The following YME1L1 variants were observed in gnomAD, a reference collection of about 807,000 sequenced individuals.
The protein encoded by YME1L1 is YME1 like 1 ATPase.
A neutral mutation model predicts 90.4 loss-of-function variants in YME1L1; 39 were observed. That is an observed-to-expected ratio of 0.43 (90% CI 0.33 to 0.56). YME1L1 has a LOEUF of 0.56. Ranked by LOEUF, YME1L1 falls within the 20% of genes least tolerant of loss-of-function variation. YME1L1 has a pLI of 0.03. For missense variants in YME1L1, 617 were observed against 868.4 expected (o/e 0.71, Z 3.64); for synonymous variants, 284 against 287.3 (o/e 0.99, Z 0.12).
intron 11 of YME1L1, 103 bp from the exon 12 acceptor site, chr10:27,121,551 G>GCC: frequency 1.2e-6 from 1 of 816,008 alleles, no homozygotes; most frequent in Non-Finnish European, 2.1e-6. Flanking sequence ...TTGAGACTAG[G>GCC]ACTCGCTTTG....
chr10:27,122,234 C>T (rs1004692783), intron 11 of YME1L1, among the ~76,000 whole-genome samples: 4 of 152,184 alleles, frequency 2.6e-5, no homozygotes, highest in Non-Finnish European at 5.9e-5. Context: ...TCTCTGACTA[C>T]ATACCTTCAC....
intron 11 of YME1L1, among the ~76,000 whole-genome samples, chr10:27,122,236 T>A (rs1240183560): frequency 6.6e-6 from 1 of 152,220 alleles, no homozygotes; most frequent in African/African-American, 2.4e-5. Flanking sequence ...TCTGACTACA[T>A]ACCTTCACAA....
chr10:27,135,302 C>A (rs1354133685), intron 5 of YME1L1, among the ~76,000 whole-genome samples: 1 of 152,122 alleles, frequency 6.6e-6, no homozygotes, highest in Admixed American at 6.6e-5. Context: ...AGGAAAAAAT[C>A]TCATTAATTT....
chr10:27,116,811 T>C (rs1029352888), intron 15 of YME1L1, among the ~76,000 whole-genome samples: 6 of 152,078 alleles, frequency 3.9e-5, no homozygotes, highest in Admixed American at 3.3e-4. Flanking sequence ...GAGGATCACT[T>C]GAGCCCAGGA....
At chr10:27,127,540 G>A (rs1235671240) in intron 8 of YME1L1, among the ~76,000 whole-genome samples, 3 of 152,124 alleles carry the variant, frequency 2.0e-5, no homozygotes, top group Non-Finnish European at 4.4e-5. Flanking sequence ...GGGATACTAT[G>A]CAATAAAGGA....
At chr10:27,151,597 C>T (rs547389194) in intron 1 of YME1L1, among the ~76,000 whole-genome samples, 3 of 152,154 alleles carry the variant, frequency 2.0e-5, no homozygotes, top group African/African-American at 7.2e-5. Context: ...AGTATGCATA[C>T]CCGTGGGGGC....
chr10:27,131,662 A>T (rs1400419524), intron 8 of YME1L1, among the ~76,000 whole-genome samples, 197 bp downstream of exon 8: 1 of 152,248 alleles, frequency 6.6e-6, no homozygotes, highest in African/African-American at 2.4e-5. Flanking sequence ...CTGCTCCTTC[A>T]TAAATTATAC....
chr10:27,123,140 G>GA (rs1166309834), intron 10 of YME1L1, among the ~76,000 whole-genome samples, 167 bp from the exon 11 acceptor site: 1 of 152,140 alleles, frequency 6.6e-6, no homozygotes, highest in Non-Finnish European at 1.5e-5. Flanking sequence ...CTTCAGGGGG[G>GA]AAAAAACTAT....
Position 27,134,234 on chromosome 10 carries a change from T to C in YME1L1, c.692-112A>G, listed in dbSNP as rs557727747. On this transcript the variant is annotated intron_variant, in intron 6 of 18. Coordinates refer to ENST00000376016, the MANE Select transcript of YME1L1 (RefSeq NM_014263.4). Reference sequence around the variant, plus strand: ...TAATCATATTTCATCACATCCAATTTTGGAATCTGGCATTCTTTCTCACAA... The same window carrying C: ...TAATCATATTTCATCACATCCAATTCTGGAATCTGGCATTCTTTCTCACAA... The C allele has an allele frequency of 8.0e-6, 7 of 879,668 alleles. No individual in the cohort carries two copies. In the Admixed American group the frequency reaches 1.1e-4, roughly 14 times the overall value. 54.5% of individuals were successfully genotyped at this position (879,668 alleles called of 1,614,324 possible). A position where few individuals can be genotyped will look rare whatever the true frequency, so the allele number is the denominator to read the frequency against.
chr10:27,131,879 T>C lies in YME1L1; in HGVS notation c.838A>G (p.Thr280Ala). 2.5e-6 allele frequency: 4 copies of C among 1,612,614 alleles called. No individual in the cohort carries two copies. Among genetic ancestry groups the C allele is most frequent in the Non-Finnish European group, 2.5e-6 (3 of 1,179,596 alleles). Residue 280 changes from threonine to alanine, a missense_variant, in exon 8 of 19, where the codon ACC becomes GCC. By Grantham distance (58) the Thr-to-Ala change is moderately conservative (BLOSUM62 0). Transcript: ENST00000376016. ...CTTACCCCTTTAACATGTTCAAAGG[T>C]GACATTTTTCATCTGGACAGGATCT... ...AVDPVQMKNV[T>A]FEHVKGVEEA... is the part of the protein sequence containing the mutation.
chr10:27,112,635 C>G (rs117617852), intron 18 of YME1L1, among the ~76,000 whole-genome samples: 13 of 152,158 alleles, frequency 8.5e-5, no homozygotes, highest in Admixed American at 3.3e-4. Context: ...GCTATCCAAC[C>G]GTCTTCATTG....
chr10:27,136,340 C>T lies in YME1L1; in HGVS notation c.476G>A (p.Arg159Gln), dbSNP rs1215099971. The T allele has an allele frequency of 5.0e-6, 8 of 1,613,568 alleles. No individual in the cohort carries two copies. Among genetic ancestry groups the T allele is most frequent in the South Asian group, 1.1e-5 (1 of 91,034 alleles). Reference sequence around the variant, plus strand: ...TCTCTCGGAGGTAGACTGGAGACGTCGTGTCCTTGATTTCAAAGTTTTAAA... The same window carrying T: ...TCTCTCGGAGGTAGACTGGAGACGTTGTGTCCTTGATTTCAAAGTTTTAAA... ...RGFKTLKSRT[R>Q]RLQSTSERLA... The change falls in exon 5 of 19, where the codon CGA becomes CAA. Residue 159 changes from arginine (R) to glutamine (Q), a missense_variant. Coordinates refer to ENST00000376016, the MANE Select transcript of YME1L1 (RefSeq NM_014263.4).
chr10:27,118,570 G>T (rs2056836358), intron 14 of YME1L1, among the ~76,000 whole-genome samples: 2 of 152,184 alleles, frequency 1.3e-5, no homozygotes, highest in Admixed American at 1.3e-4. Flanking sequence ...GATTACAGGT[G>T]TGAGCCACCA....
intron 8 of YME1L1, among the ~76,000 whole-genome samples, chr10:27,128,164 A>T (rs939524981): frequency 6.6e-6 from 1 of 152,178 alleles, no homozygotes; most frequent in Non-Finnish European, 1.5e-5. Context: ...TATATATATA[A>T]GTGTGCCCAT....
At position 27,133,582 on chromosome 10, in the gene YME1L1, T is replaced by C. The variant is rs528978130; in HGVS notation, c.775+457A>G. On this transcript the variant is annotated intron_variant, in intron 7 of 18. Transcript: ENST00000376016. Reference sequence around the variant, plus strand: ...TTTAAGAATCTGTACATATCCTTAATATTTAAGAGAATAGGCAACACAGGG... The same window carrying C: ...TTTAAGAATCTGTACATATCCTTAACATTTAAGAGAATAGGCAACACAGGG... 5.3e-5 allele frequency among the ~76,000 whole-genome samples: 8 copies of C among 152,258 alleles called. No homozygotes were observed. In the South Asian group the frequency reaches 1.7e-3, roughly 31 times the overall value.
At chr10:27,145,705 CT>C (rs1371210949) in intron 2 of YME1L1, 115 bp from the exon 3 acceptor site, 7 of 893,878 alleles carry the variant, frequency 7.8e-6, no homozygotes, top group South Asian at 3.1e-5. Context: ...AATATATTTC[CT>C]TTTTTTAATA....
chr10:27,114,992 A>G (rs1278987208), intron 17 of YME1L1, among the ~76,000 whole-genome samples: 3 of 152,154 alleles, frequency 2.0e-5, no homozygotes, highest in Non-Finnish European at 4.4e-5. Flanking sequence ...GCGCCACTGC[A>G]CTCCAGCCTA....
chr10:27,142,569 A>G, intron 3 of YME1L1, 84 bp from the exon 4 acceptor site: 1 of 567,096 alleles, frequency 1.8e-6, no homozygotes, highest in Non-Finnish European at 2.9e-6. Flanking sequence ...ATTCTATCAA[A>G]TATTAGGGAA....
rs760800120 is a variant in YME1L1, at chr10:27,123,623, A to T, written c.1026T>A (p.Pro342=). The T allele has an allele frequency of 6.2e-7, 1 of 1,614,060 alleles. No homozygotes were observed. The highest frequency in any genetic ancestry group is 8.5e-7 in the Non-Finnish European group (1 of 1,179,948). The change falls in exon 10 of 19, where the codon CCT becomes CCA. Residue 342 remains proline, a synonymous_variant. Coordinates refer to ENST00000376016, the MANE Select transcript of YME1L1 (RefSeq NM_014263.4). The part of the protein sequence containing the change: ...ARAVAGEADV[P]FYYASGSEFD... ...ATTCGGATCCAGAAGCATAATAAAA[A>T]GGAACATCAGCTTCTCCCGCCACAG... is the stretch of plus-strand genomic sequence containing the variant.
Sources: gnomAD v4.1 joint callset for allele counts (sites outside exome capture counted in the v4.1 genomes callset) on GRCh38, gnomAD v4.1.1 for gene constraint, MANE v1.5 for transcripts, NCBI Gene and HGNC (gene_info 2026-07-23, HGNC 2026-07-21) for gene names.